Variants in PSD3 observed in about 807,000 individuals in gnomAD.
PSD3 encodes PH and SEC7 domain-containing protein 3.
In PSD3, 49 loss-of-function variants were observed where a neutral mutation model predicts 105.5. The ratio of observed to expected loss-of-function variants is 0.46; its 90% CI spans 0.37 to 0.59. The LOEUF (loss-of-function observed/expected upper bound fraction) is 0.59. Among genes scored for constraint, PSD3 ranks in the 20% least tolerant of loss-of-function variants. PSD3 has a pLI of 0.00. For synonymous variants in PSD3, 557 were observed against 457.8 expected (o/e 1.22, Z -2.77); for missense variants, 1,561 against 1,263.8 (o/e 1.24, Z -3.57).
chr8:18,750,686 C>A lies in PSD3; in HGVS notation c.2172+14763G>T, dbSNP rs183254263. 2.1e-3 allele frequency among the ~76,000 whole-genome samples: 318 copies of A among 152,002 alleles called. 3 individuals are homozygous for A. Among genetic ancestry groups the A allele is most frequent in the African/African-American group, 6.8e-3 (282 of 41,464 alleles). On this transcript the variant is annotated intron_variant, in intron 9 of 15. Transcript: ENST00000327040. Reference sequence around the variant, plus strand: ...AGCCGAGTGGCCTGTTTTGACAGGGCGCTGAGTGGTGCGTTTACAATCCCG... The same window carrying A: ...AGCCGAGTGGCCTGTTTTGACAGGGAGCTGAGTGGTGCGTTTACAATCCCG...
chr8:18,846,476 G>T (rs1027526707), intron 4 of PSD3, among the ~76,000 whole-genome samples: 1 of 152,158 alleles, frequency 6.6e-6, no homozygotes, highest in African/African-American at 2.4e-5. Context: ...AGGTACAGGG[G>T]TTCGAAGGTT....
intron 9 of PSD3, among the ~76,000 whole-genome samples, chr8:18,728,695 G>A (rs747806895): frequency 2.6e-5 from 4 of 152,212 alleles, no homozygotes; most frequent in Non-Finnish European, 5.9e-5. Flanking sequence ...AGCTAAAAAT[G>A]TGAGTTATGT....
chr8:18,855,148 G>A (rs186753932), intron 4 of PSD3, among the ~76,000 whole-genome samples: 19 of 152,302 alleles, frequency 1.2e-4, no homozygotes, highest in Admixed American at 6.5e-5. Flanking sequence ...GTTGGGATAC[G>A]GGGATTATGA....
intron 1 of PSD3, among the ~76,000 whole-genome samples, chr8:18,983,261 G>T (rs758561902): frequency 6.6e-6 from 1 of 152,212 alleles, no homozygotes; most frequent in Admixed American, 6.5e-5. Flanking sequence ...TTTGTTTTAC[G>T]TGAATGTTGT....
At chr8:18,790,933 G>T (rs1809661998) in intron 8 of PSD3, among the ~76,000 whole-genome samples, 1 of 152,160 alleles carries the variant, frequency 6.6e-6, no homozygotes, top group African/African-American at 2.4e-5. Flanking sequence ...CACACCAAAA[G>T]TCAAGCCGAC....
chr8:19,028,299 C>CCCCCCCT (rs1563517980), intron 1 of PSD3, among the ~76,000 whole-genome samples: 6 of 96,174 alleles, frequency 6.2e-5, no homozygotes, highest in African/African-American at 8.4e-5. Context: ...CCGGCCCACC[C>CCCCCCCT]TTTTTTTTTT....
chr8:18,815,764 T>G (rs967805561), intron 4 of PSD3, among the ~76,000 whole-genome samples: 1 of 13,800 alleles, frequency 7.2e-5, no homozygotes, highest in South Asian at 2.9e-3. Context: ...GGTCTCACCT[T>G]GCACATAACT....
chr8:18,683,366 A>C (rs1284044305), intron 9 of PSD3, among the ~76,000 whole-genome samples: 1 of 152,226 alleles, frequency 6.6e-6, no homozygotes, highest in African/African-American at 2.4e-5. Flanking sequence ...GAGGAAAGGA[A>C]AAAGGAACTA....
chr8:18,801,299 T>C lies in PSD3; in HGVS notation c.1994A>G (p.Tyr665Cys), dbSNP rs779756825. 1.9e-6 allele frequency: 3 copies of C among 1,601,562 alleles called. No homozygotes were observed. Among genetic ancestry groups the C allele is most frequent in the South Asian group, 2.2e-5 (2 of 90,122 alleles). The stretch of plus-strand genomic sequence containing the variant: ...TGAAGCAATGGTATCTGGGTTACAA[T>C]AAAAATATCTATTGGAGAAGTGTAT... ...VLIHFSNRYF[Y>C]CNPDTIASQD... Residue 665 changes from tyrosine (Y) to cysteine (C), a missense_variant, in exon 7 of 16, where the codon TAT becomes TGT. By Grantham distance (194) the Tyr-to-Cys change is radical. Coordinates refer to ENST00000327040, the MANE Select transcript of PSD3 (RefSeq NM_015310.4).
chr8:18,957,578 C>T (rs931778103), intron 1 of PSD3, among the ~76,000 whole-genome samples: 1 of 152,154 alleles, frequency 6.6e-6, no homozygotes, highest in African/African-American at 2.4e-5. Context: ...GCATTTGCTA[C>T]AATTCTTTCA....
At chr8:18,797,921 T>C (rs1810330555) in intron 8 of PSD3, among the ~76,000 whole-genome samples, 1 of 152,140 alleles carries the variant, frequency 6.6e-6, no homozygotes, top group Non-Finnish European at 1.5e-5. Context: ...ATGTTATATG[T>C]GGCCAAACGC....
rs146595401 is a variant in PSD3 at position 18,532,112 on chromosome 8, T to C, written c.*3631A>G. On this transcript the variant is annotated 3_prime_UTR_variant, in exon 16 of 16. Coordinates refer to ENST00000327040, the MANE Select transcript of PSD3 (RefSeq NM_015310.4). ...CAATTTTCTTCCAATTGTCAATGAT[T>C]AGTTAAAAAGAAAAGAGTGCAGCTC... The C allele has an allele frequency of 2.0e-5, 3 of 152,208 alleles. No homozygotes were observed. Among genetic ancestry groups the C allele is most frequent in the African/African-American group, 7.2e-5 (3 of 41,450 alleles). 9.4% of individuals were successfully genotyped at this position (152,208 alleles called of 1,614,324 possible). A position where few individuals can be genotyped will look rare whatever the true frequency, so the allele number is the denominator to read the frequency against.
At chr8:18,624,662 T>C (rs1047277544) in intron 11 of PSD3, among the ~76,000 whole-genome samples, 7 of 146,384 alleles carry the variant, frequency 4.8e-5, no homozygotes, top group African/African-American at 1.8e-4. Context: ...ATTGTGCACA[T>C]GTACCCTAAA....
rs1211875738 is a variant in PSD3 at position 18,965,390 on chromosome 8, G to A, written c.22-29248C>T. 3.3e-5 allele frequency among the ~76,000 whole-genome samples: 5 copies of A among 152,136 alleles called. No individual in the cohort carries two copies. The South Asian group carries it at 6.2e-4, about 19-fold the overall frequency. Reference sequence around the variant, plus strand: ...TAGGTTGCGCCCTTGAGGAACCAGCGTCCCCTCTATGGAGCCATTCACAGG... The same window carrying A: ...TAGGTTGCGCCCTTGAGGAACCAGCATCCCCTCTATGGAGCCATTCACAGG... On this transcript the variant is annotated intron_variant, in intron 1 of 15. Transcript: ENST00000327040.
chr8:18,680,935 GA>G (rs1296613718), intron 9 of PSD3, among the ~76,000 whole-genome samples: 1 of 151,906 alleles, frequency 6.6e-6, no homozygotes, highest in Non-Finnish European at 1.5e-5. Flanking sequence ...TTTTTCAAAT[GA>G]ATATGAATAA....
At chr8:18,722,562 C>T (rs1272300845) in intron 9 of PSD3, among the ~76,000 whole-genome samples, 5 of 152,140 alleles carry the variant, frequency 3.3e-5, no homozygotes, top group Non-Finnish European at 7.3e-5. Flanking sequence ...CTCTCCATTT[C>T]CTCCCCCTTC....
At chr8:19,077,439 T>A (rs1327913694) in intron 1 of PSD3, among the ~76,000 whole-genome samples, 1 of 152,060 alleles carries the variant, frequency 6.6e-6, no homozygotes, top group African/African-American at 2.4e-5. Flanking sequence ...AAAACAGTCA[T>A]AGCTGCTGAT....
At chr8:18,858,337 T>C (rs1057011407) in intron 4 of PSD3, among the ~76,000 whole-genome samples, 2 of 152,176 alleles carry the variant, frequency 1.3e-5, no homozygotes, top group Non-Finnish European at 2.9e-5. Context: ...ATCATCTGAG[T>C]ACTCAGCAAG....
intron 1 of PSD3, among the ~76,000 whole-genome samples, chr8:19,079,139 A>C (rs1388247025): frequency 6.6e-6 from 1 of 152,112 alleles, no homozygotes; most frequent in African/African-American, 2.4e-5. Flanking sequence ...GGGTAAGGAG[A>C]GAAAAAGAGC....
Sources: allele counts gnomAD v4.1 joint callset (sites outside exome capture counted in the v4.1 genomes callset), GRCh38; gene constraint gnomAD v4.1.1; transcripts MANE v1.5; gene names NCBI Gene and HGNC (gene_info 2026-07-23, HGNC 2026-07-21).